PRUNE2: variants seen among roughly 807,000 people sequenced by gnomAD.
PRUNE2 encodes prune homolog 2 with BCH domain.
In PRUNE2, 164 loss-of-function variants were observed where a neutral mutation model predicts 252.0. The ratio of observed to expected loss-of-function variants is 0.65; its 90% confidence interval spans 0.57 to 0.74. The LOEUF (loss-of-function observed/expected upper bound fraction) is 0.74, where lower values mean the gene tolerates loss of function less well. Among genes scored for constraint, PRUNE2 ranks in the 30% least tolerant of loss-of-function variants. PRUNE2 has a pLI of 0.00. For synonymous variants in PRUNE2, 1,292 were observed against 1,350.2 expected, an observed-to-expected ratio of 0.96 and a Z score of 0.94; for missense variants, 3,495 against 3,711.0, an observed-to-expected ratio of 0.94 and a Z score of 1.51.
chr9:76,756,498 C>T (rs550801774), intron 6 of PRUNE2, among the ~76,000 whole-genome samples: 3 of 152,364 alleles, frequency 2.0e-5, no homozygotes, highest in Non-Finnish European at 2.9e-5. Flanking sequence ...AGGAACCAGG[C>T]GCTGGCTTTC....
chr9:76,774,428 G>A (rs1403799383), intron 6 of PRUNE2, among the ~76,000 whole-genome samples: 4 of 118,154 alleles, frequency 3.4e-5, no homozygotes, highest in African/African-American at 7.9e-5. Flanking sequence ...ATGAGCCATC[G>A]TTCCTGGCCT....
chr9:76,704,731 T>C, intron 8 of PRUNE2, 30 bp downstream of exon 8: 1 of 1,432,298 alleles, frequency 7.0e-7, no homozygotes, highest in Non-Finnish European at 9.4e-7. Context: ...CAGCAGTTTC[T>C]TGGAAGTGGA....
At chr9:76,637,374 T>C (rs1840628015) in intron 14 of PRUNE2, 44 bp downstream of exon 14, 1 of 1,603,994 alleles carries the variant, frequency 6.2e-7, no homozygotes, top group Non-Finnish European at 8.5e-7. Flanking sequence ...TAGTCTTCAG[T>C]TTACCAAAAT....
chr9:76,858,516 C>G (rs1002179745), intron 1 of PRUNE2, among the ~76,000 whole-genome samples: 9 of 152,002 alleles, frequency 5.9e-5, no homozygotes, highest in Non-Finnish European at 8.8e-5. Flanking sequence ...GAACAGAAAA[C>G]CAGACACTGC....
chr9:76,831,138 C>T (rs911821151), intron 4 of PRUNE2, among the ~76,000 whole-genome samples: 12 of 152,104 alleles, frequency 7.9e-5, no homozygotes, highest in Admixed American at 7.2e-4. Context: ...ACCATGTTAG[C>T]CAGCATGGTC....
intron 10 of PRUNE2, among the ~76,000 whole-genome samples, chr9:76,654,339 T>C (rs1419838977): frequency 6.6e-6 from 1 of 152,208 alleles, no homozygotes; most frequent in Admixed American, 6.5e-5. Context: ...GTCATTAAGC[T>C]TTTTCTTTTC....
chr9:76,834,173 G>A lies in PRUNE2; in HGVS notation c.509-7441C>T, dbSNP rs555353803. Reference sequence around the variant, plus strand: ...GCTGGGATAACAGGTGTGAGCCACCGTGCCCGGCCCCAAGATGCCTATTAT... The same window carrying A: ...GCTGGGATAACAGGTGTGAGCCACCATGCCCGGCCCCAAGATGCCTATTAT... On this transcript the variant is annotated intron_variant, in intron 4 of 18. Coordinates refer to ENST00000376718, the MANE Select transcript of PRUNE2 (RefSeq NM_015225.3). Among the ~76,000 whole-genome samples the A allele has an allele frequency of 1.1e-4, 17 of 152,078 alleles. 1 individual carries two copies. The highest frequency in any genetic ancestry group is 6.8e-3 in the Middle Eastern group (2 of 292).
intron 6 of PRUNE2, among the ~76,000 whole-genome samples, chr9:76,776,518 C>CTTTTTTTTTTTTTTTTT (rs796197139): frequency 8.1e-6 from 1 of 122,850 alleles, no homozygotes; most frequent in Non-Finnish European, 1.7e-5. Flanking sequence ...TTTCTTTTTT[C>CTTTTTTTTTTTTTTTTT]TTTTTTTTTT....
chr9:76,683,215 C>T (rs1660858338), intron 9 of PRUNE2, among the ~76,000 whole-genome samples: 1 of 152,204 alleles, frequency 6.6e-6, no homozygotes, highest in Admixed American at 6.5e-5. Context: ...CACGAATAAG[C>T]ACGTGACACC....
At position 76,709,060 on chromosome 9, in the gene PRUNE2, C is replaced by T. The variant is rs759453338; in HGVS notation, c.3214G>A (p.Gly1072Arg). ...TCGTAACTGGACTGGCTGCTTTCCC[C>T]GACGTCATCCTCCATGGAGATATTC... Reference protein sequence around the residue: ...GKNISMEDDVGESSQSSYDDP... With the variant: ...GKNISMEDDVRESSQSSYDDP... The change falls in exon 8 of 19, where the codon GGG (glycine) becomes AGG (arginine). Residue 1072 changes from glycine (G) to arginine (R), a missense_variant. Physicochemically the swap from Gly to Arg is moderately radical, Grantham distance 125. Coordinates refer to ENST00000376718, the MANE Select transcript of PRUNE2 (RefSeq NM_015225.3). 2.9e-5 allele frequency: 46 copies of T among 1,613,822 alleles called. No individual in the cohort carries two copies. The highest frequency in any genetic ancestry group is 1.9e-5 in the Non-Finnish European group (22 of 1,179,884).
At chr9:76,653,087 C>T (rs1004475705) in intron 10 of PRUNE2, among the ~76,000 whole-genome samples, 3 of 152,084 alleles carry the variant, frequency 2.0e-5, no homozygotes, top group African/African-American at 7.2e-5. Context: ...GTAACTGGAT[C>T]CTCCCAACCC....
intron 4 of PRUNE2, among the ~76,000 whole-genome samples, chr9:76,835,849 T>C (rs772552158): frequency 1.5e-4 from 23 of 152,242 alleles, no homozygotes; most frequent in African/African-American, 5.5e-4. Context: ...CAAGCAACTA[T>C]TCTTTATTAA....
chr9:76,859,414 A>C (rs999590064), intron 1 of PRUNE2, among the ~76,000 whole-genome samples: 5 of 152,128 alleles, frequency 3.3e-5, no homozygotes, highest in African/African-American at 7.2e-5. Context: ...GACCAGAAAG[A>C]GGGCTTCCTG....
chr9:76,774,452 T>TTTTTTATTTATTTATTTATTTA lies in PRUNE2; in HGVS notation c.756+49179_756+49180insTAAATAAATAAATAAATAAAAA, dbSNP rs1404326650. Among the ~76,000 whole-genome samples the TTTTTTATTTATTTATTTATTTA allele has an allele frequency of 8.8e-3, 948 of 107,156 alleles. 30 individuals carry two copies. The highest frequency in any genetic ancestry group is 0.031 in the East Asian group (109 of 3,520). The allele number at this position is 107,156 out of a possible 152,430, so 70.3% of individuals were successfully genotyped here. ...CGTTCCTGGCCTCCAGTTCAACCCT[T>TTTTTTATTTATTTATTTATTTA]TTTTTTTTTTTTTTTTTTTTTTTTT... On this transcript the variant is annotated intron_variant, in intron 6 of 18. Transcript: ENST00000376718.
chr9:76,680,339 T>TA (rs1022630257), intron 9 of PRUNE2, among the ~76,000 whole-genome samples: 14 of 152,010 alleles, frequency 9.2e-5, no homozygotes, highest in African/African-American at 2.2e-4. Context: ...TGGCTACTGT[T>TA]AAAAAAACAA....
At chr9:76,623,721 C>T (rs1833446776) in intron 17 of PRUNE2, among the ~76,000 whole-genome samples, 1 of 152,136 alleles carries the variant, frequency 6.6e-6, no homozygotes, top group African/African-American at 2.4e-5. Context: ...GTTTATTAAC[C>T]AGTTTTGTAT....
chr9:76,854,225 G>A lies in PRUNE2; in HGVS notation c.37-17C>T. ...GCTTCGATTCTGAAACAAATTCAAAGGAAACATCACAATTTAACAGGTGAC... is the reference window on the plus strand; with the variant it reads ...GCTTCGATTCTGAAACAAATTCAAAAGAAACATCACAATTTAACAGGTGAC... On this transcript the variant is annotated splice_polypyrimidine_tract_variant and intron_variant, in intron 1 of 18. Coordinates refer to ENST00000376718, the MANE Select transcript of PRUNE2 (RefSeq NM_015225.3). 5 of 1,410,556 alleles carry A rather than the reference G, an allele frequency of 3.5e-6. No homozygotes were observed. Among genetic ancestry groups the A allele is most frequent in the South Asian group, 1.3e-5 (1 of 78,210 alleles). The allele number at this position is 1,410,556 out of a possible 1,614,324, so 87.4% of individuals were successfully genotyped here.
At chr9:76,807,051 T>TGC (rs139801181) in intron 6 of PRUNE2, among the ~76,000 whole-genome samples, 133 of 139,452 alleles carry the variant, frequency 9.5e-4, no homozygotes, top group Middle Eastern at 3.7e-3. Flanking sequence ...TGTGTGTGTG[T>TGC]GCGCGCGCGC....
intron 6 of PRUNE2, among the ~76,000 whole-genome samples, chr9:76,813,292 A>G (rs1432055505): frequency 6.6e-6 from 1 of 152,226 alleles, no homozygotes; most frequent in African/African-American, 2.4e-5. Context: ...CACTAAACAC[A>G]TTCAAATAGT....
Sources: allele counts gnomAD v4.1 joint callset (sites outside exome capture counted in the v4.1 genomes callset), GRCh38; gene constraint gnomAD v4.1.1; transcripts MANE v1.5; gene names NCBI Gene and HGNC (gene_info 2026-07-23, HGNC 2026-07-21).